Variants in CALM2 observed in about 807,000 individuals in gnomAD.
CALM2 encodes calmodulin-2.
Under a neutral mutation model 19.8 loss-of-function variants are expected in CALM2, and 2 were observed. That is an observed-to-expected ratio of 0.10 (90% CI 0.04 to 0.32). CALM2 has a LOEUF of 0.32. Among genes scored for constraint, CALM2 ranks in the 10% least tolerant of loss-of-function variants. CALM2 has a pLI of 1.00. For synonymous variants in CALM2, 51 were observed against 52.1 expected (o/e 0.98, Z 0.09); for missense variants, 38 against 178.7 (o/e 0.21, Z 4.49).
In CALM2 at chr2:47,166,291, G is replaced by C. The variant is rs940779740; in HGVS notation, c.35-3629C>G. ...TACAAGAAAATTAAAGGACTTTGAG[G>C]TATTTGTTTATATTACATTCTCTGC... is the stretch of plus-strand genomic sequence containing the variant. On this transcript the variant is annotated intron_variant, in intron 2 of 5. Transcript: ENST00000272298. 7.9e-5 allele frequency among the ~76,000 whole-genome samples: 12 copies of C among 152,276 alleles called. No homozygotes were observed. The South Asian group carries it at 2.5e-3, about 32-fold the overall frequency.
At chr2:47,161,917 A>T (rs1461083212) in intron 4 of CALM2, 59 bp from the exon 5 acceptor site, 1 of 1,401,518 alleles carries the variant, frequency 7.1e-7, no homozygotes, top group Non-Finnish European at 9.9e-7. Flanking sequence ...GTTGGAATGG[A>T]AATTTATTAA....
chr2:47,161,632 A>G (rs1687159241), intron 5 of CALM2, 91 bp downstream of exon 5: 3 of 1,156,884 alleles, frequency 2.6e-6, no homozygotes, highest in South Asian at 1.6e-5. Context: ...ATTTCAGGGG[A>G]AGGGTCACTA....
chr2:47,170,330 G>C (rs1666624458), intron 2 of CALM2, among the ~76,000 whole-genome samples: 1 of 152,108 alleles, frequency 6.6e-6, no homozygotes, highest in African/African-American at 2.4e-5. Context: ...TTTTAACTAG[G>C]GTAAATTCAA....
In CALM2 at chr2:47,161,751, A is replaced by C; in HGVS notation, c.393T>G (p.Ile131Met). ...EVDEMIREAD[I>M]DGDGQVNYEE... ...CATAGTTTACTTGACCATCACCATC[A>C]ATATCTGCTTCCCTGATCATTTCAT... The change falls in exon 5 of 6, where the codon ATT (isoleucine) becomes ATG (methionine). Residue 131 changes from isoleucine (I) to methionine (M), a missense_variant. By Grantham distance (10) the Ile-to-Met change is conservative. Coordinates refer to ENST00000272298, the MANE Select transcript of CALM2 (RefSeq NM_001743.6). 1 of 1,612,264 alleles carries C rather than the reference A, an allele frequency of 6.2e-7. No individual in the cohort carries two copies. The highest frequency in any genetic ancestry group is 1.1e-5 in the South Asian group (1 of 90,878).
At position 47,161,619 on chromosome 2, in the gene CALM2, C is replaced by G. The variant is rs1378221651; in HGVS notation, c.421+104G>C. On this transcript the variant is annotated intron_variant, in intron 5 of 5. Transcript: ENST00000272298. The stretch of plus-strand genomic sequence containing the variant: ...AAATGTAAGTAACTGTTTTAGCAAC[C>G]TAATTTCAGGGGAAGGGTCACTAAT... 18 of 980,584 alleles carry G rather than the reference C, an allele frequency of 1.8e-5. No individual in the cohort carries two copies. The Admixed American group carries it at 5.1e-4, about 28-fold the overall frequency. The allele number at this position is 980,584 out of a possible 1,614,324, so 60.7% of individuals were successfully genotyped here. A position where few individuals can be genotyped will look rare whatever the true frequency, so the allele number is the denominator to read the frequency against.
chr2:47,175,950 C>T (rs1255369907), intron 1 of CALM2, among the ~76,000 whole-genome samples: 1 of 151,244 alleles, frequency 6.6e-6, no homozygotes, highest in African/African-American at 2.4e-5. Context: ...ACGCTCGCCC[C>T]AGGGCCCCGC....
Position 47,160,626 on chromosome 2 carries a change from GGAA to G in CALM2, c.*147_*149del. The G allele has an allele frequency of 1.9e-6, 1 of 516,996 alleles. No homozygotes were observed. 32.0% of individuals were successfully genotyped at this position (516,996 alleles called of 1,614,324 possible). On this transcript the variant is annotated 3_prime_UTR_variant, in exon 6 of 6. Coordinates refer to ENST00000272298, the MANE Select transcript of CALM2 (RefSeq NM_001743.6). ...TTTAGGACAATGACAGTAAGATAAG[GGAA>G]GAAAACATGGAGGAATGAAGTCCTA...
chr2:47,169,779 T>C (rs1026240571), intron 2 of CALM2, among the ~76,000 whole-genome samples: 6 of 152,170 alleles, frequency 3.9e-5, no homozygotes, highest in African/African-American at 9.7e-5. Context: ...ATGGGCTATA[T>C]AGTTCCAACT....
At chr2:47,161,623 T>G (rs1687157488) in intron 5 of CALM2, 100 bp downstream of exon 5, 3 of 1,091,806 alleles carry the variant, frequency 2.7e-6, no homozygotes, top group African/African-American at 1.9e-5. Flanking sequence ...AGCAACCTAA[T>G]TTCAGGGGAA....
intron 2 of CALM2, among the ~76,000 whole-genome samples, chr2:47,168,904 A>C (rs2103840774): frequency 6.6e-6 from 1 of 152,020 alleles, no homozygotes; most frequent in South Asian, 2.1e-4. Context: ...CAGCCTCCTG[A>C]GTGGCTGGGA....
intron 2 of CALM2, among the ~76,000 whole-genome samples, chr2:47,164,497 T>TGCA (rs1214271306): frequency 6.6e-6 from 1 of 151,392 alleles, no homozygotes; most frequent in Non-Finnish European, 1.5e-5. Flanking sequence ...CTGGGGAGGC[T>TGCA]GCAGCAGCAG....
Position 47,160,787 on chromosome 2 carries a change from T to C in CALM2, c.439A>G (p.Thr147Ala). 6.6e-7 allele frequency: 1 copy of C among 1,511,098 alleles called. No individual in the cohort carries two copies. Among genetic ancestry groups the C allele is most frequent in the Non-Finnish European group, 8.9e-7 (1 of 1,122,126 alleles). The allele number at this position is 1,511,098 out of a possible 1,614,324, so 93.6% of individuals were successfully genotyped here. Reference sequence around the variant, plus strand: ...TCTGTACAAGGTCTTCACTTTGCTGTCATCATTTGTACAAACTCTGAAAAA... The same window carrying C: ...TCTGTACAAGGTCTTCACTTTGCTGCCATCATTTGTACAAACTCTGAAAAA... ...VNYEEFVQMMTAK is the reference protein window; with the variant it reads ...VNYEEFVQMMAAK The change falls in exon 6 of 6, where the codon ACA becomes GCA. Residue 147 changes from threonine (T) to alanine (A), a missense_variant. Transcript: ENST00000272298.
chr2:47,175,783 G>A, intron 1 of CALM2, among the ~76,000 whole-genome samples: 1 of 149,768 alleles, frequency 6.7e-6, no homozygotes, highest in South Asian at 2.1e-4. Context: ...GGGGCCGAGC[G>A]GGGCGGCGGC....
chr2:47,164,464 G>C (rs1666391128), intron 2 of CALM2, among the ~76,000 whole-genome samples: 1 of 151,762 alleles, frequency 6.6e-6, no homozygotes, highest in Admixed American at 6.6e-5. Flanking sequence ...GGGTGTGGCG[G>C]CGTGCGCCTG....
intron 2 of CALM2, among the ~76,000 whole-genome samples, chr2:47,168,808 C>G (rs184994996): frequency 1.3e-5 from 2 of 151,594 alleles, no homozygotes; most frequent in Non-Finnish European, 2.9e-5. Context: ...GGCAAAGTCT[C>G]GCTCTGTTGC....
intron 2 of CALM2, among the ~76,000 whole-genome samples, chr2:47,170,398 T>G (rs1666626395): frequency 1.3e-5 from 2 of 152,160 alleles, no homozygotes; most frequent in Admixed American, 1.3e-4. Flanking sequence ...GGCCTCCTTT[T>G]CTAGCGTGTT....
At chr2:47,175,048 A>T (rs1303890915) in intron 1 of CALM2, among the ~76,000 whole-genome samples, 3 of 148,980 alleles carry the variant, frequency 2.0e-5, no homozygotes, top group Non-Finnish European at 4.4e-5. Flanking sequence ...GGAACCACAA[A>T]GTAAGTATCA....
At chr2:47,176,023 C>T (rs1280594657) in intron 1 of CALM2, among the ~76,000 whole-genome samples, 1 of 152,154 alleles carries the variant, frequency 6.6e-6, no homozygotes, top group Non-Finnish European at 1.5e-5. Context: ...TCCTGGCGCC[C>T]GCACTAACCG....
In CALM2 at chr2:47,160,536, G is replaced by A; in HGVS notation, c.*240C>T. The A allele has an allele frequency of 2.6e-6, 1 of 388,740 alleles. No individual in the cohort carries two copies. 24.1% of individuals were successfully genotyped at this position (388,740 alleles called of 1,614,324 possible). A position where few individuals can be genotyped will look rare whatever the true frequency, so the allele number is the denominator to read the frequency against. On this transcript the variant is annotated 3_prime_UTR_variant, in exon 6 of 6. Coordinates refer to ENST00000272298, the MANE Select transcript of CALM2 (RefSeq NM_001743.6). Reference sequence around the variant, plus strand: ...CCATCTAAGTTTAGATGTGCAGAAGGGCTTAGATATATCCAGAGTAAGCCA... The same window carrying A: ...CCATCTAAGTTTAGATGTGCAGAAGAGCTTAGATATATCCAGAGTAAGCCA...
Sources: gnomAD v4.1 joint callset for allele counts (sites outside exome capture counted in the v4.1 genomes callset) on GRCh38, gnomAD v4.1.1 for gene constraint, MANE v1.5 for transcripts, NCBI Gene and HGNC (gene_info 2026-07-23, HGNC 2026-07-21) for gene names.